Variants in UBE2E1 observed in about 807,000 individuals in gnomAD.
UBE2E1 encodes ubiquitin conjugating enzyme E2 E1.
Under a neutral mutation model 21.4 loss-of-function variants are expected in UBE2E1, and 6 were observed. The observed-to-expected ratio is 0.28, with a 90% CI of 0.15 to 0.55. UBE2E1 has a LOEUF of 0.55. Among genes scored for constraint, UBE2E1 ranks in the 20% least tolerant of loss-of-function variants. The pLI, the probability that UBE2E1 is intolerant of heterozygous loss-of-function variation, is 0.93. For missense variants in UBE2E1, 142 were observed against 236.5 expected, an observed-to-expected ratio of 0.60 and a Z score of 2.62; for synonymous variants, 87 against 82.7, an observed-to-expected ratio of 1.05 and a Z score of -0.28.
At chr3:23,858,266 G>C (rs113664963) in intron 3 of UBE2E1, among the ~76,000 whole-genome samples, 1 of 152,194 alleles carries the variant, frequency 6.6e-6, no homozygotes. Context: ...ATTGTTTACT[G>C]TCGTCAGCAT....
chr3:23,873,331 A>G (rs1016718034), intron 3 of UBE2E1, among the ~76,000 whole-genome samples: 2 of 152,180 alleles, frequency 1.3e-5, no homozygotes, highest in Non-Finnish European at 2.9e-5. Context: ...AGGCATCTTT[A>G]TCCTTCAAAT....
chr3:23,830,085 T>C (rs1699836800), intron 3 of UBE2E1, among the ~76,000 whole-genome samples: 1 of 152,204 alleles, frequency 6.6e-6, no homozygotes, highest in African/African-American at 2.4e-5. Context: ...AAATCATGCA[T>C]ATATTATTTT....
intron 3 of UBE2E1, among the ~76,000 whole-genome samples, chr3:23,820,469 G>A (rs1334535333): frequency 6.6e-6 from 1 of 152,136 alleles, no homozygotes; most frequent in Non-Finnish European, 1.5e-5. Context: ...TCCCACTCAG[G>A]AAATCTTACA....
intron 3 of UBE2E1, among the ~76,000 whole-genome samples, chr3:23,877,467 G>A (rs1700940662): frequency 1.3e-5 from 2 of 151,998 alleles, no homozygotes; most frequent in African/African-American, 4.8e-5. Flanking sequence ...TTCTTTGTGG[G>A]GGCTGTCTGG....
chr3:23,835,030 G>A (rs1259060542), intron 3 of UBE2E1, among the ~76,000 whole-genome samples: 1 of 152,098 alleles, frequency 6.6e-6, no homozygotes, highest in Non-Finnish European at 1.5e-5. Flanking sequence ...AAAAATACGG[G>A]ACTAATTGTA....
rs1223439007 is a variant in UBE2E1, at chr3:23,810,977, G to C, written c.153-483G>C. ...GGACTCCGGGCGGGTCGGGTGTTGA[G>C]CGAGGCCTCGGACCTTCGGCCTGTC... is the stretch of plus-strand genomic sequence containing the variant. On this transcript the variant is annotated intron_variant, in intron 2 of 5. Transcript: ENST00000306627. This position sits in a 1 kb window ranked among gnomAD's most constrained non-coding sequence, Gnocchi z 5.8. The C allele has an allele frequency of 6.1e-6, 1 of 162,916 alleles. No homozygotes were observed. Among genetic ancestry groups the C allele is most frequent in the African/African-American group, 2.4e-5 (1 of 41,606 alleles). 10.1% of individuals were successfully genotyped at this position (162,916 alleles called of 1,614,324 possible).
chr3:23,825,413 C>G (rs911421965), intron 3 of UBE2E1, among the ~76,000 whole-genome samples: 1 of 152,160 alleles, frequency 6.6e-6, no homozygotes, highest in Non-Finnish European at 1.5e-5. Context: ...TGATATTTAT[C>G]GGCCATTTAT....
At chr3:23,880,275 C>T (rs1311573353) in intron 3 of UBE2E1, among the ~76,000 whole-genome samples, 1 of 152,130 alleles carries the variant, frequency 6.6e-6, no homozygotes, top group African/African-American at 2.4e-5. Context: ...CCCAGCTACT[C>T]AGGAGGCTGA....
rs1016659935 is a variant in UBE2E1 at position 23,829,401 on chromosome 3, C to T, written c.203+17891C>T. On this transcript the variant is annotated intron_variant, in intron 3 of 5. Coordinates refer to ENST00000306627, the MANE Select transcript of UBE2E1 (RefSeq NM_003341.5). Reference sequence around the variant, plus strand: ...TCTGGAACTCCTAAGCTCAGATGATCCTCCTGCCTCAGCCTCCCAAAGTGC... The same window carrying T: ...TCTGGAACTCCTAAGCTCAGATGATTCTCCTGCCTCAGCCTCCCAAAGTGC... Among the ~76,000 whole-genome samples the T allele has an allele frequency of 1.6e-4, 25 of 151,866 alleles. 1 individual carries two copies. The South Asian group carries it at 4.0e-3, about 24-fold the overall frequency.
chr3:23,833,473 A>G (rs1699910784), intron 3 of UBE2E1, among the ~76,000 whole-genome samples: 2 of 152,244 alleles, frequency 1.3e-5, no homozygotes, highest in Admixed American at 1.3e-4. Context: ...TAATAGAGTC[A>G]GGTTGGAAGA....
chr3:23,852,636 C>A (rs1700350855), intron 3 of UBE2E1, among the ~76,000 whole-genome samples: 1 of 152,138 alleles, frequency 6.6e-6, no homozygotes, highest in Admixed American at 6.6e-5. Context: ...ACTTTGTCAT[C>A]CAGACTGGAG....
chr3:23,816,811 G>A lies in UBE2E1; in HGVS notation c.203+5301G>A, dbSNP rs1307940249. The stretch of plus-strand genomic sequence containing the variant: ...TAGAATAGGCAAACTCATAAGGACA[G>A]ACAGTAGATTAGAGGTTTTCAGGGA... On this transcript the variant is annotated intron_variant, in intron 3 of 5. Transcript: ENST00000306627. This position sits in a 1 kb window ranked among gnomAD's most constrained non-coding sequence, Gnocchi z 4.8. 1.3e-5 allele frequency among the ~76,000 whole-genome samples: 2 copies of A among 152,182 alleles called. No individual in the cohort carries two copies. The highest frequency in any genetic ancestry group is 2.9e-5 in the Non-Finnish European group (2 of 68,034).
intron 3 of UBE2E1, among the ~76,000 whole-genome samples, chr3:23,884,776 T>G (rs73825176): frequency 0.014 from 2,127 of 152,258 alleles, 56 homozygotes; most frequent in African/African-American, 0.049. Context: ...TACTGGATTT[T>G]AGAGAGCCTG....
chr3:23,834,746 A>G (rs987257857), intron 3 of UBE2E1, among the ~76,000 whole-genome samples: 1 of 152,164 alleles, frequency 6.6e-6, no homozygotes, highest in Non-Finnish European at 1.5e-5. Context: ...AAAAAAGGAA[A>G]AAAAAACTTA....
In UBE2E1 at chr3:23,870,691, T is replaced by TTATTTC. The variant is rs3035237; in HGVS notation, c.204-16876_204-16875insTATTTC. Among the ~76,000 whole-genome samples, 3 of 152,136 alleles carry TTATTTC rather than the reference T, an allele frequency of 2.0e-5. No homozygotes were observed. In the South Asian group the frequency reaches 6.3e-4, roughly 32 times the overall value. On this transcript the variant is annotated intron_variant, in intron 3 of 5. Coordinates refer to ENST00000306627, the MANE Select transcript of UBE2E1 (RefSeq NM_003341.5). This position sits in a 1 kb window ranked among gnomAD's most constrained non-coding sequence, Gnocchi z 4.2. ...TTAAAATTCTTTTTTTATTTTATTT[T>TTATTTC]ATTTTATTGATCATTCTTGGGTGTT...
chr3:23,882,868 G>C (rs901568481), intron 3 of UBE2E1, among the ~76,000 whole-genome samples: 12 of 152,186 alleles, frequency 7.9e-5, no homozygotes, highest in African/African-American at 2.9e-4. Context: ...CGGAACTCTC[G>C]CTGTTCCATG....
chr3:23,860,230 A>G (rs935690823), intron 3 of UBE2E1, among the ~76,000 whole-genome samples: 1 of 152,190 alleles, frequency 6.6e-6, no homozygotes, highest in Non-Finnish European at 1.5e-5. Context: ...TGACCCGCTC[A>G]GGTTTCTGTA....
chr3:23,842,198 G>GGGGTGTGTGTGTGTGT lies in UBE2E1; in HGVS notation c.203+30689_203+30690insGGTGTGTGTGTGTGTG, dbSNP rs1553637704. Among the ~76,000 whole-genome samples, 41 of 104,356 alleles carry GGGGTGTGTGTGTGTGT rather than the reference G, an allele frequency of 3.9e-4. No homozygotes were observed. The highest frequency in any genetic ancestry group is 2.4e-3 in the South Asian group (7 of 2,928). The allele number at this position is 104,356 out of a possible 152,430, so 68.5% of individuals were successfully genotyped here. A position where few individuals can be genotyped will look rare whatever the true frequency, so the allele number is the denominator to read the frequency against. ...TATGTCATGACCCAGTAAGTGAAGG[G>GGGGTGTGTGTGTGTGT]GTGTGTGTGTGTGTGTGTGTGTGTG... On this transcript the variant is annotated intron_variant, in intron 3 of 5. Transcript: ENST00000306627. The surrounding 1 kb of genome is among the most constrained non-coding windows in gnomAD (Gnocchi z 4.6).
chr3:23,871,847 G>C (rs1249500802), intron 3 of UBE2E1, among the ~76,000 whole-genome samples: 1 of 151,896 alleles, frequency 6.6e-6, no homozygotes, highest in Admixed American at 6.5e-5. Context: ...TCACTTCCTA[G>C]ATGGGATGGC....
Sources: allele counts gnomAD v4.1 joint callset (sites outside exome capture counted in the v4.1 genomes callset), GRCh38; gene constraint gnomAD v4.1.1; non-coding constraint Gnocchi (gnomAD v3.1); transcripts MANE v1.5; gene names NCBI Gene and HGNC (gene_info 2026-07-23, HGNC 2026-07-21).